Variants in TULP4 observed in about 807,000 individuals in gnomAD.
The protein encoded by TULP4 is TUB like protein 4.
In TULP4, 16 loss-of-function variants were observed where a neutral mutation model predicts 129.0. The observed-to-expected ratio is 0.12, with a 90% confidence interval of 0.08 to 0.19. The LOEUF is 0.19. Ranked by LOEUF, TULP4 falls within the 10% of genes least tolerant of loss-of-function variation. TULP4 has a pLI of 1.00. For synonymous variants in TULP4, 998 were observed against 854.0 expected (o/e 1.17, Z -2.94); for missense variants, 1,842 against 2,059.1 (o/e 0.89, Z 2.04).
At chr6:158,321,012 A>G (rs897909291) in intron 1 of TULP4, among the ~76,000 whole-genome samples, 1 of 151,766 alleles carries the variant, frequency 6.6e-6, no homozygotes, top group Admixed American at 6.6e-5. Flanking sequence ...TAACTTCCTC[A>G]CCTCTCATTG....
chr6:158,374,794 C>A (rs1777149727), intron 1 of TULP4, among the ~76,000 whole-genome samples: 1 of 152,150 alleles, frequency 6.6e-6, no homozygotes, highest in Non-Finnish European at 1.5e-5. Flanking sequence ...AATGGTACCT[C>A]CTGGGACTCA....
rs1780681908 is a variant in TULP4 at position 158,509,414 on chromosome 6, A to T, written c.*2720A>T. 1 of 152,282 alleles carries T rather than the reference A, an allele frequency of 6.6e-6. No individual in the cohort carries two copies. Among genetic ancestry groups the T allele is most frequent in the South Asian group, 2.1e-4 (1 of 4,820 alleles). 9.4% of individuals were successfully genotyped at this position (152,282 alleles called of 1,614,324 possible). A position where few individuals can be genotyped will look rare whatever the true frequency, so the allele number is the denominator to read the frequency against. On this transcript the variant is annotated 3_prime_UTR_variant, in exon 14 of 14. Transcript: ENST00000367097. ...AAAAGGGGAGACCTATTAGAATGAG[A>T]GTAGCCAAGGAAAGAGTTACTAGGT...
At chr6:158,417,740 A>G (rs1313779924) in intron 2 of TULP4, among the ~76,000 whole-genome samples, 1 of 152,242 alleles carries the variant, frequency 6.6e-6, no homozygotes, top group Non-Finnish European at 1.5e-5. Flanking sequence ...GAAATGACAG[A>G]TTATTTTCAT....
intron 1 of TULP4, among the ~76,000 whole-genome samples, chr6:158,257,075 T>C (rs1778258297): frequency 6.6e-6 from 1 of 152,234 alleles, no homozygotes; most frequent in Non-Finnish European, 1.5e-5. Context: ...AAGACCGTGC[T>C]GATCAGGCTT....
chr6:158,493,725 C>A lies in TULP4; in HGVS notation c.1776+8C>A. On this transcript the variant is annotated splice_region_variant and intron_variant, in intron 10 of 13. Coordinates refer to ENST00000367097, the MANE Select transcript of TULP4 (RefSeq NM_020245.5). This position sits in a 1 kb window ranked among gnomAD's most constrained non-coding sequence, Gnocchi z 4.4. Reference sequence around the variant, plus strand: ...TTTGAAGACATCACTCAGGTAGGAGCCCCCAGTTACCCTGCCTTGCTCCCC... The same window carrying A: ...TTTGAAGACATCACTCAGGTAGGAGACCCCAGTTACCCTGCCTTGCTCCCC... The A allele has an allele frequency of 6.5e-7, 1 of 1,538,698 alleles. No individual in the cohort carries two copies. The highest frequency in any genetic ancestry group is 8.8e-7 in the Non-Finnish European group (1 of 1,142,756).
At chr6:158,442,928 C>G (rs1413302762) in intron 3 of TULP4, among the ~76,000 whole-genome samples, 1 of 151,896 alleles carries the variant, frequency 6.6e-6, no homozygotes, top group African/African-American at 2.4e-5. Flanking sequence ...ATTCTTCTGC[C>G]TCAGCCTCCC....
At chr6:158,240,165 A>G (rs1236430697) in intron 1 of TULP4, among the ~76,000 whole-genome samples, 3 of 30,136 alleles carry the variant, frequency 1.0e-4, no homozygotes, top group Non-Finnish European at 1.4e-4. Context: ...GGCCGGGCGG[A>G]GGGCTGTCCC....
At chr6:158,356,460 CGTT>C (rs900547068) in intron 1 of TULP4, among the ~76,000 whole-genome samples, 4 of 152,062 alleles carry the variant, frequency 2.6e-5, no homozygotes, top group African/African-American at 9.7e-5. Context: ...GTTTGGAGGT[CGTT>C]GTTTTTCAGT....
intron 1 of TULP4, among the ~76,000 whole-genome samples, chr6:158,349,004 G>T (rs199705937): frequency 1.1e-4 from 5 of 43,492 alleles, no homozygotes; most frequent in East Asian, 4.8e-4. Context: ...GGGCAGAGGC[G>T]CTCCTCACTT....
intron 3 of TULP4, among the ~76,000 whole-genome samples, chr6:158,443,413 G>A (rs949616487): frequency 6.6e-6 from 1 of 152,012 alleles, no homozygotes; most frequent in African/African-American, 2.4e-5. Context: ...TACCATGCCT[G>A]GCCGTAAATG....
chr6:158,365,618 AGG>A (rs1780922621), intron 1 of TULP4, among the ~76,000 whole-genome samples: 2 of 151,454 alleles, frequency 1.3e-5, no homozygotes, highest in South Asian at 2.1e-4. Context: ...CTGGGACTAC[AGG>A]TGCCCGCCAC....
At chr6:158,337,128 CT>C (rs34480077) in intron 1 of TULP4, among the ~76,000 whole-genome samples, 894 of 73,788 alleles carry the variant, frequency 0.012, 7 homozygotes, top group African/African-American at 0.048. Context: ...CTTTCTTTCT[CT>C]TTTTTTTTTT....
intron 2 of TULP4, among the ~76,000 whole-genome samples, chr6:158,416,329 G>C (rs1368936122): frequency 6.6e-6 from 1 of 152,144 alleles, no homozygotes; most frequent in East Asian, 1.9e-4. Flanking sequence ...CAGTATTAAC[G>C]ATCACACCCC....
intron 1 of TULP4, among the ~76,000 whole-genome samples, chr6:158,287,175 T>C (rs1454512905): frequency 6.6e-6 from 1 of 152,188 alleles, no homozygotes; most frequent in Admixed American, 6.5e-5. Context: ...GGGTTTGAGA[T>C]CCATACAGAT....
At chr6:158,421,855 G>A (rs1778350465) in intron 2 of TULP4, among the ~76,000 whole-genome samples, 1 of 152,214 alleles carries the variant, frequency 6.6e-6, no homozygotes, top group African/African-American at 2.4e-5. Context: ...CCCAACCTAT[G>A]TGATGAGAGT....
At chr6:158,319,460 C>A (rs1779573995) in intron 1 of TULP4, among the ~76,000 whole-genome samples, 1 of 152,162 alleles carries the variant, frequency 6.6e-6, no homozygotes, top group South Asian at 2.1e-4. Flanking sequence ...AGCAGAAAAA[C>A]CCTGTGTCCC....
intron 3 of TULP4, among the ~76,000 whole-genome samples, chr6:158,433,466 A>T (rs947495514): frequency 6.6e-6 from 1 of 152,172 alleles, no homozygotes; most frequent in Admixed American, 6.5e-5. Context: ...TGTAATCCCA[A>T]CACTTTGGGA....
At chr6:158,347,077 G>A (rs1161756316) in intron 1 of TULP4, among the ~76,000 whole-genome samples, 8 of 152,104 alleles carry the variant, frequency 5.3e-5, no homozygotes, top group African/African-American at 1.9e-4. Context: ...GGCTTTCAGC[G>A]ACAGAAATCC....
chr6:158,304,288 C>G (rs752113855), intron 1 of TULP4, among the ~76,000 whole-genome samples: 1 of 152,116 alleles, frequency 6.6e-6, no homozygotes, highest in Non-Finnish European at 1.5e-5. Context: ...TCATTACTGG[C>G]ATCTAGAACC....
Sources: allele counts gnomAD v4.1 joint callset (sites outside exome capture counted in the v4.1 genomes callset), GRCh38; gene constraint gnomAD v4.1.1; non-coding constraint Gnocchi (gnomAD v3.1); transcripts MANE v1.5; gene names NCBI Gene and HGNC (gene_info 2026-07-23, HGNC 2026-07-21).